Variants in FNDC3B observed in about 807,000 individuals in gnomAD.
FNDC3B encodes the protein fibronectin type III domain-containing protein 3B.
In FNDC3B, 12 loss-of-function variants were observed where a neutral mutation model predicts 151.5. That is an observed-to-expected ratio of 0.08 (90% CI 0.05 to 0.13). The LOEUF is 0.13. Among genes scored for constraint, FNDC3B ranks in the 10% least tolerant of loss-of-function variants. The pLI is 1.00. For synonymous variants in FNDC3B, 528 were observed against 549.0 expected, an observed-to-expected ratio of 0.96 and a Z score of 0.54; for missense variants, 1,214 against 1,505.3, an observed-to-expected ratio of 0.81 and a Z score of 3.20.
chr3:172,290,484 G>A (rs958101742), intron 7 of FNDC3B, among the ~76,000 whole-genome samples: 6 of 152,180 alleles, frequency 3.9e-5, no homozygotes, highest in African/African-American at 1.4e-4. Context: ...CGAGCCTAAT[G>A]TGGTCTGACC....
At chr3:172,067,362 G>C (rs146564720) in intron 1 of FNDC3B, among the ~76,000 whole-genome samples, 1 of 152,266 alleles carries the variant, frequency 6.6e-6, no homozygotes, top group Admixed American at 6.5e-5. Flanking sequence ...GATGAAAGTG[G>C]TGTGGAGATG....
rs201974179 is a variant in FNDC3B, at chr3:172,330,599, G to A, written c.1438G>A (p.Ala480Thr). 1.7e-4 allele frequency: 273 copies of A among 1,614,106 alleles called. 1 individual carries two copies. In the East Asian group the frequency reaches 5.9e-3, roughly 35 times the overall value. The part of the protein sequence containing the change: ...TLGNIPQMPS[A>T]PRLVRAGITW... ...AGGAAATATCCCTCAGATGCCTTCT[G>A]CACCAAGGCTGGTTCGAGCTGGCAT... The change falls in exon 13 of 26, where the codon GCA (alanine) becomes ACA (threonine). Residue 480 changes from alanine (A) to threonine (T), a missense_variant. By Grantham distance (58) the Ala-to-Thr change is moderately conservative. Transcript: ENST00000415807.
chr3:172,312,015 G>A (rs1346807509), intron 11 of FNDC3B, among the ~76,000 whole-genome samples: 1 of 152,220 alleles, frequency 6.6e-6, no homozygotes, highest in Non-Finnish European at 1.5e-5. Context: ...TGTGGAATTT[G>A]GGGAGAAATG....
chr3:172,175,823 G>C (rs1481840289), intron 3 of FNDC3B, among the ~76,000 whole-genome samples: 1 of 152,192 alleles, frequency 6.6e-6, no homozygotes, highest in East Asian at 1.9e-4. Context: ...CTGGGGAGGG[G>C]ATCACAGTAG....
At chr3:172,305,960 C>T (rs144990903) in intron 9 of FNDC3B, among the ~76,000 whole-genome samples, 2 of 152,210 alleles carry the variant, frequency 1.3e-5, no homozygotes, top group Middle Eastern at 3.4e-3. Context: ...GGAGAGCATC[C>T]CAATGATAAG....
At chr3:172,067,343 G>T (rs1464106747) in intron 1 of FNDC3B, among the ~76,000 whole-genome samples, 1 of 152,136 alleles carries the variant, frequency 6.6e-6, no homozygotes, top group East Asian at 1.9e-4. Flanking sequence ...CTACCTTTTT[G>T]ATGAGAAGGA....
At position 172,328,987 on chromosome 3, in the gene FNDC3B, C is replaced by T. The variant is rs752788807; in HGVS notation, c.1290C>T (p.Phe430=). Residue 430 remains phenylalanine (F), a synonymous_variant, in exon 12 of 26, where the codon TTC becomes TTT. Transcript: ENST00000415807. The part of the protein sequence containing the change: ...KRNSGFRQCF[F]GSQKHCKLTK... Reference sequence around the variant, plus strand: ...ATAGTGGTTTCAGACAGTGCTTCTTCGGGAGCCAGAAGCACTGCAAGTTGA... The same window carrying T: ...ATAGTGGTTTCAGACAGTGCTTCTTTGGGAGCCAGAAGCACTGCAAGTTGA... The T allele has an allele frequency of 9.3e-6, 15 of 1,612,138 alleles. No homozygotes were observed. Among genetic ancestry groups the T allele is most frequent in the African/African-American group, 8.0e-5 (6 of 74,614 alleles).
chr3:172,247,367 C>T (rs1727831885), intron 4 of FNDC3B, among the ~76,000 whole-genome samples, 166 bp from the exon 5 acceptor site: 1 of 152,178 alleles, frequency 6.6e-6, no homozygotes, highest in African/African-American at 2.4e-5. Flanking sequence ...GTTATTACTT[C>T]TAGAACTCAT....
intron 13 of FNDC3B, 31 bp downstream of exon 13, chr3:172,330,746 GT>G (rs1410591773): frequency 2.1e-5 from 33 of 1,566,256 alleles, no homozygotes; most frequent in Non-Finnish European, 2.8e-5. Flanking sequence ...ACTTCTCTGT[GT>G]TTTGTACGAG....
intron 25 of FNDC3B, among the ~76,000 whole-genome samples, chr3:172,385,057 A>G (rs972545682): frequency 6.6e-6 from 1 of 151,942 alleles, no homozygotes; most frequent in Admixed American, 6.6e-5. Flanking sequence ...AGTCAGGGAC[A>G]ATTTGTACTG....
chr3:172,230,401 G>A (rs1726829039), intron 4 of FNDC3B, among the ~76,000 whole-genome samples: 1 of 151,704 alleles, frequency 6.6e-6, no homozygotes, highest in Non-Finnish European at 1.5e-5. Flanking sequence ...CTACTCAGGA[G>A]GCTGAGGCAG....
chr3:172,201,427 C>T (rs766176037), intron 3 of FNDC3B, among the ~76,000 whole-genome samples: 11 of 152,262 alleles, frequency 7.2e-5, no homozygotes, highest in East Asian at 3.9e-4. Context: ...TGCGTGCGTA[C>T]GTGCGGTGGA....
rs144971702 is a variant in FNDC3B at position 172,184,548 on chromosome 3, C to T, written c.188-42323C>T. ...AAAACAGACAAAAACCCCCTCAAAT[C>T]CAGGACCTATCAAGTTTCATATCTT... On this transcript the variant is annotated intron_variant, in intron 3 of 25. Coordinates refer to ENST00000415807, the MANE Select transcript of FNDC3B (RefSeq NM_022763.4). Among the ~76,000 whole-genome samples the T allele has an allele frequency of 3.3e-3, 509 of 152,262 alleles. 1 individual carries two copies. Among genetic ancestry groups the T allele is most frequent in the African/African-American group, 0.012 (482 of 41,548 alleles).
chr3:172,213,640 T>C (rs2108717240), intron 3 of FNDC3B, among the ~76,000 whole-genome samples: 1 of 152,338 alleles, frequency 6.6e-6, no homozygotes, highest in South Asian at 2.1e-4. Context: ...CATTTTGATG[T>C]AGTCTTGTTT....
chr3:172,267,824 T>C (rs545555901), intron 6 of FNDC3B, among the ~76,000 whole-genome samples: 2 of 152,360 alleles, frequency 1.3e-5, no homozygotes, highest in African/African-American at 4.8e-5. Flanking sequence ...TCAGGGAAAT[T>C]ACATAAAGCT....
intron 1 of FNDC3B, among the ~76,000 whole-genome samples, chr3:172,102,598 G>A (rs1361677534): frequency 1.3e-5 from 2 of 152,190 alleles, no homozygotes; most frequent in African/African-American, 4.8e-5. Flanking sequence ...AAGACACAGA[G>A]AGCTTACATA....
intron 6 of FNDC3B, among the ~76,000 whole-genome samples, chr3:172,278,845 T>G (rs1248320678): frequency 6.6e-6 from 1 of 152,044 alleles, no homozygotes; most frequent in Non-Finnish European, 1.5e-5. Flanking sequence ...AAAAATCGCT[T>G]GAACCCAGGA....
At chr3:172,053,632 C>T (rs532281558) in intron 1 of FNDC3B, among the ~76,000 whole-genome samples, 3 of 152,152 alleles carry the variant, frequency 2.0e-5, no homozygotes, top group Admixed American at 6.5e-5. Flanking sequence ...ATTAGCCAGG[C>T]GTGGTGGCGG....
Position 172,347,189 on chromosome 3 carries a change from T to C in FNDC3B, c.2365-23T>C, listed in dbSNP as rs762013005. On this transcript the variant is annotated intron_variant, in intron 20 of 25. Transcript: ENST00000415807. ...TTCTCTTCTCAGTGGCATTATTAAC[T>C]ACTTCCATTTCTGCCTTTCCAGAGT... 2.5e-6 allele frequency: 4 copies of C among 1,599,986 alleles called. No homozygotes were observed. The South Asian group carries it at 4.5e-5, about 18-fold the overall frequency.
Sources: gnomAD v4.1 joint callset for allele counts (sites outside exome capture counted in the v4.1 genomes callset) on GRCh38, gnomAD v4.1.1 for gene constraint, MANE v1.5 for transcripts, NCBI Gene and HGNC (gene_info 2026-07-23, HGNC 2026-07-21) for gene names.